ELFN2: variants seen among roughly 807,000 people sequenced by gnomAD.
ELFN2 encodes protein phosphatase 1 regulatory subunit 29.
A neutral mutation model predicts 45.5 loss-of-function variants in ELFN2; 17 were observed. The observed-to-expected ratio is 0.37, with a 90% confidence interval of 0.26 to 0.56. The LOEUF (loss-of-function observed/expected upper bound fraction) is 0.56. Among genes scored for constraint, ELFN2 ranks in the 20% least tolerant of loss-of-function variants. The pLI is 0.77. For missense variants in ELFN2, 922 were observed against 1,183.2 expected (o/e 0.78, Z 3.24); for synonymous variants, 550 against 551.5 (o/e 1.00, Z 0.04).
intron 1 of ELFN2, among the ~76,000 whole-genome samples, chr22:37,359,062 G>A (rs1313132029): frequency 1.3e-5 from 2 of 152,124 alleles, no homozygotes; most frequent in Non-Finnish European, 2.9e-5. Context: ...CTGGGGCTTG[G>A]GGGAGTGCAC....
chr22:37,380,431 G>A (rs1264012559), intron 2 of ELFN2, among the ~76,000 whole-genome samples: 1 of 152,174 alleles, frequency 6.6e-6, no homozygotes, highest in Non-Finnish European at 1.5e-5. Context: ...GTCCAGGGCA[G>A]GAGGCCCCAC....
At chr22:37,404,994 G>A (rs2145675359) in intron 2 of ELFN2, among the ~76,000 whole-genome samples, 1 of 152,256 alleles carries the variant, frequency 6.6e-6, no homozygotes, top group East Asian at 1.9e-4. Flanking sequence ...TGATCAAGAA[G>A]GAAGGACTGG....
intron 2 of ELFN2, among the ~76,000 whole-genome samples, chr22:37,411,996 G>A (rs1932659757): frequency 6.6e-6 from 1 of 151,888 alleles, no homozygotes; most frequent in Non-Finnish European, 1.5e-5. Context: ...TCTTCCCAGA[G>A]CTCTTGGAAC....
chr22:37,374,253 T>C lies in ELFN2; in HGVS notation c.1282A>G (p.Lys428Glu). ...TTCTTGACGTTGACAGACTTCTGCT[T>C]CTCCTCCTGCATGCGCCGCTTGCGC... ...CLRKRRMQEEKQKSVNVKKTI... is the reference protein window; with the variant it reads ...CLRKRRMQEEEQKSVNVKKTI... The change falls in exon 3 of 3, where the codon AAG becomes GAG. Residue 428 changes from lysine to glutamate, a missense_variant. This residue lies in a region of ELFN2 where 564 missense variants were observed against 642.8 expected (regional missense o/e 0.88). Transcript: ENST00000402918. 6.2e-7 allele frequency: 1 copy of C among 1,613,874 alleles called. No homozygotes were observed. Among genetic ancestry groups the C allele is most frequent in the Non-Finnish European group, 8.5e-7 (1 of 1,180,006 alleles).
chr22:37,425,485 A>G (rs943183082), intron 1 of ELFN2, among the ~76,000 whole-genome samples: 5 of 152,030 alleles, frequency 3.3e-5, no homozygotes, highest in African/African-American at 1.2e-4. Flanking sequence ...AGACATAACC[A>G]CACTCGGCCA....
rs888190917 is a variant in ELFN2, at chr22:37,351,595, G to A, written n.149-8892C>T. 7.5e-5 allele frequency among the ~76,000 whole-genome samples: 11 copies of A among 146,308 alleles called. 1 individual carries two copies. Among genetic ancestry groups the A allele is most frequent in the Non-Finnish European group, 1.7e-4 (11 of 65,578 alleles). On this transcript the variant is annotated intron_variant and non_coding_transcript_variant, in intron 1 of 2. Transcript: ENST00000452946. ...GCTCCAGCGTCCCCCCCACCCTCTC[G>A]ACTTCTGACCATCCCAAAGTTCAAG... is the stretch of plus-strand genomic sequence containing the variant.
intron 2 of ELFN2, among the ~76,000 whole-genome samples, chr22:37,389,143 C>T (rs1932031679): frequency 1.3e-5 from 2 of 152,148 alleles, no homozygotes; most frequent in South Asian, 4.1e-4. Flanking sequence ...GCCAAGGCCA[C>T]ATGGCTGCAA....
chr22:37,361,226 C>T (rs141906816), intron 1 of ELFN2, among the ~76,000 whole-genome samples: 51 of 152,246 alleles, frequency 3.3e-4, no homozygotes, highest in Middle Eastern at 3.4e-3. Context: ...GCAATGGGGC[C>T]ATGAGATGCT....
At chr22:37,412,277 CAAAAAAAAAAAAA>C (rs56073200) in intron 2 of ELFN2, among the ~76,000 whole-genome samples, 1 of 92,306 alleles carries the variant, frequency 1.1e-5, no homozygotes, top group African/African-American at 4.4e-5. Context: ...AACTCCGTCT[CAAAAAAAAAAAAA>C]AAAAAGAAAG....
intron 2 of ELFN2, among the ~76,000 whole-genome samples, chr22:37,400,317 C>T (rs761358497): frequency 1.3e-5 from 2 of 152,126 alleles, no homozygotes; most frequent in Admixed American, 6.5e-5. Flanking sequence ...CCCACTGACA[C>T]GGGCCTGGGG....
chr22:37,411,405 TGGG>T (rs34095607), intron 2 of ELFN2, among the ~76,000 whole-genome samples: 1 of 152,006 alleles, frequency 6.6e-6, no homozygotes, highest in Non-Finnish European at 1.5e-5. Context: ...GGATGATGCT[TGGG>T]GGTCCCTGGA....
intron 2 of ELFN2, among the ~76,000 whole-genome samples, chr22:37,395,034 G>A (rs2145663713): frequency 6.6e-6 from 1 of 152,096 alleles, no homozygotes; most frequent in South Asian, 2.1e-4. Context: ...GAACCCAGGA[G>A]GCAGAGGTTG....
chr22:37,402,016 C>T (rs562347797), intron 2 of ELFN2, among the ~76,000 whole-genome samples: 1 of 152,286 alleles, frequency 6.6e-6, no homozygotes, highest in East Asian at 1.9e-4. Context: ...AGAGTGAGCC[C>T]TGCTCCCTCC....
chr22:37,364,346 G>T (rs4820284), downstream of ELFN2, among the ~76,000 whole-genome samples: 199 of 152,166 alleles, frequency 1.3e-3, 1 homozygote, highest in African/African-American at 4.5e-3. Context: ...GAGGGGCTCC[G>T]GAAGAAGCAC....
intron 1 of ELFN2, among the ~76,000 whole-genome samples, chr22:37,350,541 C>T (rs932595174): frequency 1.3e-5 from 2 of 150,656 alleles, no homozygotes; most frequent in African/African-American, 4.8e-5. Context: ...CCCCTCTTTC[C>T]CTGCCTCCCC....
At position 37,417,571 on chromosome 22, in the gene ELFN2, C is replaced by T. The variant is rs986066586; in HGVS notation, c.-463+198G>A. Among the ~76,000 whole-genome samples, 24 of 152,236 alleles carry T rather than the reference C, an allele frequency of 1.6e-4. No homozygotes were observed. The highest frequency in any genetic ancestry group is 5.8e-4 in the African/African-American group (24 of 41,478). ...CTTAGCCCCCAACAGGCCTGCCGCT[C>T]TGCAGGCCGCCTCATAGGCCCTGTG... On this transcript the variant is annotated intron_variant, in intron 2 of 2. Transcript: ENST00000402918. The surrounding 1 kb of genome is among the most constrained non-coding windows in gnomAD (Gnocchi z 4.5).
intron 1 of ELFN2, among the ~76,000 whole-genome samples, chr22:37,352,935 G>T (rs1440282433): frequency 6.6e-6 from 1 of 150,952 alleles, no homozygotes; most frequent in East Asian, 1.9e-4. Context: ...AAGCAGGCAG[G>T]CCAGTTAAGA....
intron 1 of ELFN2, among the ~76,000 whole-genome samples, chr22:37,359,276 G>A (rs1255499668): frequency 2.0e-5 from 3 of 152,284 alleles, no homozygotes; most frequent in South Asian, 2.1e-4. Context: ...CTCAGATGGT[G>A]TGAGGTCGCT....
At chr22:37,415,833 G>A (rs9610748) in intron 2 of ELFN2, among the ~76,000 whole-genome samples, 10,289 of 152,186 alleles carry the variant, frequency 0.068, 498 homozygotes, top group African/African-American at 0.13. Flanking sequence ...GTGGTGGCAC[G>A]CGCCTATAGT....
Sources: gnomAD v4.1 joint callset for allele counts (sites outside exome capture counted in the v4.1 genomes callset) on GRCh38, gnomAD v4.1.1 for gene constraint, gnomAD v4.1.1 regional missense constraint, Gnocchi (gnomAD v3.1) non-coding constraint, MANE v1.5 for transcripts, NCBI Gene and HGNC (gene_info 2026-07-23, HGNC 2026-07-21) for gene names.